GAREM1: variants seen among roughly 807,000 people sequenced by gnomAD.
The protein encoded by GAREM1 is GRB2-associated and regulator of MAPK protein 1.
GAREM1 carries 26 observed loss-of-function variants against 71.3 expected under a neutral mutation model. That is an observed-to-expected ratio of 0.36 (90% CI 0.27 to 0.51). GAREM1 has a LOEUF of 0.51. GAREM1 is among the 20% of genes least tolerant of loss of function. GAREM1 has a pLI of 0.95. For missense variants in GAREM1, 1,026 were observed against 1,103.1 expected, an observed-to-expected ratio of 0.93 and a Z score of 0.99; for synonymous variants, 440 against 433.2, an observed-to-expected ratio of 1.02 and a Z score of -0.20.
chr18:32,425,818 A>G (rs967677120), intron 1 of GAREM1, among the ~76,000 whole-genome samples: 20 of 152,148 alleles, frequency 1.3e-4, no homozygotes, highest in African/African-American at 4.8e-4. Flanking sequence ...TCTTTGTGAG[A>G]AAGAAAACAG....
intron 2 of GAREM1, among the ~76,000 whole-genome samples, chr18:32,339,912 C>T (rs572840731): frequency 6.6e-6 from 1 of 152,336 alleles, no homozygotes; most frequent in African/African-American, 2.4e-5. Flanking sequence ...TGTATAAGTT[C>T]TGACCCTGTA....
intron 2 of GAREM1, among the ~76,000 whole-genome samples, chr18:32,375,216 C>T (rs930181335): frequency 1.3e-5 from 2 of 151,934 alleles, no homozygotes; most frequent in African/African-American, 4.8e-5. Context: ...GTTTTAGAAA[C>T]AATAAAGGCA....
chr18:32,412,551 C>T (rs2048430652), intron 1 of GAREM1: 1 of 1,596,806 alleles, frequency 6.3e-7, no homozygotes, highest in Non-Finnish European at 8.5e-7. Context: ...CCCACCGAAA[C>T]CACCTCCACG....
intron 2 of GAREM1, among the ~76,000 whole-genome samples, chr18:32,345,245 C>T (rs1331414943): frequency 6.6e-6 from 1 of 152,106 alleles, no homozygotes; most frequent in South Asian, 2.1e-4. Context: ...ATGGTTAAAA[C>T]AACTACAAAC....
At chr18:32,334,174 T>G (rs1241985729) in intron 2 of GAREM1, among the ~76,000 whole-genome samples, 1 of 152,116 alleles carries the variant, frequency 6.6e-6, no homozygotes, top group Non-Finnish European at 1.5e-5. Flanking sequence ...TTAGCCACTT[T>G]CCCATCAGAA....
At chr18:32,452,362 T>C (rs1446568390) in intron 1 of GAREM1, among the ~76,000 whole-genome samples, 2 of 152,172 alleles carry the variant, frequency 1.3e-5, no homozygotes, top group African/African-American at 4.8e-5. Flanking sequence ...TGTCAGTATA[T>C]TGCGGCTCTT....
intron 2 of GAREM1, among the ~76,000 whole-genome samples, chr18:32,349,818 G>A (rs911636661): frequency 7.9e-5 from 12 of 152,202 alleles, no homozygotes; most frequent in Non-Finnish European, 1.8e-4. Context: ...GGTAGCACAT[G>A]AAGGGCAAGT....
chr18:32,274,918 C>T (rs1185176189), intron 4 of GAREM1, among the ~76,000 whole-genome samples: 1 of 147,090 alleles, frequency 6.8e-6, no homozygotes, highest in Admixed American at 6.8e-5. Context: ...ACATGTCACA[C>T]AGAATGCCTG....
intron 3 of GAREM1, among the ~76,000 whole-genome samples, chr18:32,302,587 T>G (rs753594092): frequency 6.6e-6 from 1 of 152,194 alleles, no homozygotes; most frequent in Non-Finnish European, 1.5e-5. Flanking sequence ...GAGGGTATTA[T>G]GCTAAGCAAA....
chr18:32,369,073 C>T (rs944296858), intron 2 of GAREM1, among the ~76,000 whole-genome samples: 6 of 152,188 alleles, frequency 3.9e-5, no homozygotes, highest in African/African-American at 1.4e-4. Flanking sequence ...ATATTGCCTT[C>T]CCCACACATA....
chr18:32,379,253 T>G (rs1054198521), intron 2 of GAREM1, among the ~76,000 whole-genome samples: 2 of 152,060 alleles, frequency 1.3e-5, no homozygotes, highest in Admixed American at 1.3e-4. Context: ...TCACCAGTTG[T>G]CCCCTCTTCA....
At chr18:32,310,876 G>A (rs2047314127) in intron 2 of GAREM1, among the ~76,000 whole-genome samples, 1 of 152,054 alleles carries the variant, frequency 6.6e-6, no homozygotes, top group Non-Finnish European at 1.5e-5. Context: ...GGGCTCATGA[G>A]CTGCTGTAAT....
chr18:32,420,460 GT>G (rs1211413705), intron 1 of GAREM1, among the ~76,000 whole-genome samples: 3 of 151,866 alleles, frequency 2.0e-5, no homozygotes, highest in Non-Finnish European at 2.9e-5. Context: ...GCATCTAATG[GT>G]TTCAACTGCT....
chr18:32,431,852 T>C (rs549639958), intron 1 of GAREM1, among the ~76,000 whole-genome samples: 6 of 152,238 alleles, frequency 3.9e-5, no homozygotes, highest in East Asian at 1.9e-4. Context: ...TGGGATTCAA[T>C]TGACTGTTGA....
chr18:32,343,311 GTTTTTT>G (rs35086441), intron 2 of GAREM1, among the ~76,000 whole-genome samples: 2 of 118,886 alleles, frequency 1.7e-5, no homozygotes, highest in Non-Finnish European at 3.4e-5. Flanking sequence ...CTCCCCCACT[GTTTTTT>G]TTTTTTTTTT....
intron 1 of GAREM1, among the ~76,000 whole-genome samples, chr18:32,468,901 C>T (rs748568670): frequency 3.3e-5 from 5 of 151,772 alleles, no homozygotes; most frequent in Non-Finnish European, 7.4e-5. Flanking sequence ...CTATTTAAAG[C>T]ACACAACATT....
Position 32,268,216 on chromosome 18 carries a change from G to C in GAREM1, c.2286C>G (p.Leu762=), listed in dbSNP as rs2041403461. The change falls in exon 6 of 6, where the codon CTC becomes CTG. Residue 762 remains leucine, a synonymous_variant. Transcript: ENST00000269209. Reference sequence around the variant, plus strand: ...TTTTAACAAAATACTGGTCCTCCGAGAGATCTGGTGACCCAGACTTGGGGT... The same window carrying C: ...TTTTAACAAAATACTGGTCCTCCGACAGATCTGGTGACCCAGACTTGGGGT... ...EEDPKSGSPD[L]SEDQYFVKKG... 1 of 1,614,044 alleles carries C rather than the reference G, an allele frequency of 6.2e-7. No homozygotes were observed. Among genetic ancestry groups the C allele is most frequent in the South Asian group, 1.1e-5 (1 of 91,080 alleles).
intron 1 of GAREM1, among the ~76,000 whole-genome samples, chr18:32,403,710 G>A (rs952878724): frequency 6.6e-6 from 1 of 152,018 alleles, no homozygotes; most frequent in African/African-American, 2.4e-5. Context: ...CAAAGTGCTG[G>A]GATTACAGGT....
rs1338858036 is a variant in GAREM1, at chr18:32,470,039, C to G, written c.121+269G>C. On this transcript the variant is annotated intron_variant, in intron 1 of 5. Transcript: ENST00000269209. The surrounding 1 kb of genome is among the most constrained non-coding windows in gnomAD (Gnocchi z 4.4). ...GAGGGATATCTGGCGTCCAAGATTA[C>G]GATCTGCAGAGGTCTCCCTATGTTG... Among the ~76,000 whole-genome samples the G allele has an allele frequency of 2.6e-5, 4 of 152,104 alleles. No individual in the cohort carries two copies. Among genetic ancestry groups the G allele is most frequent in the African/African-American group, 9.7e-5 (4 of 41,440 alleles).
Sources: gnomAD v4.1 joint callset for allele counts (sites outside exome capture counted in the v4.1 genomes callset) on GRCh38, gnomAD v4.1.1 for gene constraint, Gnocchi (gnomAD v3.1) non-coding constraint, MANE v1.5 for transcripts, NCBI Gene and HGNC (gene_info 2026-07-23, HGNC 2026-07-21) for gene names.